CDYL2: variants seen among roughly 807,000 people sequenced by gnomAD.
CDYL2 encodes the protein chromodomain Y-like protein 2.
A neutral mutation model predicts 49.4 loss-of-function variants in CDYL2; 23 were observed. That is an observed-to-expected ratio of 0.47 (90% CI 0.34 to 0.66). CDYL2 has a LOEUF of 0.66. Among genes scored for constraint, CDYL2 ranks in the 30% least tolerant of loss-of-function variants. The probability of loss-of-function intolerance (pLI) is 0.01; values close to 1 mark genes in which losing one functional copy is unlikely to be tolerated. For missense variants in CDYL2, 678 were observed against 656.4 expected (o/e 1.03, Z -0.36); for synonymous variants, 360 against 268.8 (o/e 1.34, Z -3.32).
intron 2 of CDYL2, among the ~76,000 whole-genome samples, chr16:80,642,971 C>A (rs1451939808): frequency 6.6e-6 from 1 of 152,072 alleles, no homozygotes; most frequent in Admixed American, 6.6e-5. Flanking sequence ...CTGAACAGGC[C>A]CCCAAAGTTT....
intron 1 of CDYL2, among the ~76,000 whole-genome samples, chr16:80,741,734 G>A (rs1288161379): frequency 6.6e-6 from 1 of 152,122 alleles, no homozygotes; most frequent in Non-Finnish European, 1.5e-5. Context: ...TGAAAAAAAT[G>A]AATTGGCAAT....
In CDYL2 at chr16:80,800,951, G is replaced by A. The variant is rs543458217; in HGVS notation, c.24+3199C>T. Among the ~76,000 whole-genome samples the A allele has an allele frequency of 9.2e-5, 14 of 152,330 alleles. 1 individual carries two copies. In the East Asian group the frequency reaches 2.7e-3, roughly 29 times the overall value. ...AGTGAATGATTTAAGAAGAATGGGT[G>A]CCTGGTAATAGGGAGCAAGGGGACA... On this transcript the variant is annotated intron_variant, in intron 1 of 6. Coordinates refer to ENST00000570137, the MANE Select transcript of CDYL2 (RefSeq NM_152342.4).
chr16:80,752,727 G>C (rs888549780), intron 1 of CDYL2, among the ~76,000 whole-genome samples: 1 of 152,188 alleles, frequency 6.6e-6, no homozygotes, highest in Non-Finnish European at 1.5e-5. Context: ...TTAACAAAGC[G>C]GGAAAGCTCT....
intron 2 of CDYL2, among the ~76,000 whole-genome samples, chr16:80,680,979 A>G (rs1176224296): frequency 6.6e-6 from 1 of 152,160 alleles, no homozygotes; most frequent in Non-Finnish European, 1.5e-5. Context: ...CAGAATCAAG[A>G]GCAGTGTAGA....
intron 2 of CDYL2, among the ~76,000 whole-genome samples, chr16:80,647,120 A>C (rs1908384784): frequency 6.6e-6 from 1 of 152,218 alleles, no homozygotes; most frequent in Non-Finnish European, 1.5e-5. Context: ...AGCCACAAAT[A>C]AAATTAAATA....
At chr16:80,770,736 C>T (rs535652267) in intron 1 of CDYL2, among the ~76,000 whole-genome samples, 3 of 152,244 alleles carry the variant, frequency 2.0e-5, no homozygotes, top group African/African-American at 7.2e-5. Context: ...ACATACAATA[C>T]TTTTAAATCT....
At chr16:80,679,674 G>A (rs1909895821) in intron 2 of CDYL2, 1 of 455,848 alleles carries the variant, frequency 2.2e-6, no homozygotes, top group African/African-American at 2.0e-5. Flanking sequence ...TCTTTACAAA[G>A]TCTTATGAAT....
At chr16:80,726,190 A>G (rs537300638) in intron 1 of CDYL2, among the ~76,000 whole-genome samples, 1 of 152,350 alleles carries the variant, frequency 6.6e-6, no homozygotes, top group Admixed American at 6.5e-5. Context: ...ATTTTTGCGT[A>G]CATTTAAAAT....
intron 1 of CDYL2, among the ~76,000 whole-genome samples, chr16:80,687,657 C>T (rs1597174819): frequency 6.6e-6 from 1 of 152,186 alleles, no homozygotes; most frequent in Non-Finnish European, 1.5e-5. Flanking sequence ...TAATAGATGA[C>T]ACTTATCAAA....
At chr16:80,711,972 T>C (rs1904612726) in intron 1 of CDYL2, among the ~76,000 whole-genome samples, 1 of 150,850 alleles carries the variant, frequency 6.6e-6, no homozygotes. Flanking sequence ...TATATGTGTA[T>C]ACACATATAT....
intron 1 of CDYL2, among the ~76,000 whole-genome samples, chr16:80,764,645 T>G (rs1424013894): frequency 6.6e-6 from 1 of 152,132 alleles, no homozygotes; most frequent in African/African-American, 2.4e-5. Context: ...CATGAGATAC[T>G]AGCATCAATG....
At chr16:80,638,862 T>C (rs1454472326) in intron 2 of CDYL2, among the ~76,000 whole-genome samples, 1 of 152,128 alleles carries the variant, frequency 6.6e-6, no homozygotes, top group Admixed American at 6.5e-5. Flanking sequence ...AAATGTAAAA[T>C]GCAAATTATA....
At chr16:80,659,556 A>T (rs1387109023) in intron 2 of CDYL2, among the ~76,000 whole-genome samples, 1 of 151,736 alleles carries the variant, frequency 6.6e-6, no homozygotes. Flanking sequence ...CTACACTCAG[A>T]TGGTACAGAA....
At chr16:80,761,898 A>G (rs919793562) in intron 1 of CDYL2, among the ~76,000 whole-genome samples, 2 of 147,964 alleles carry the variant, frequency 1.4e-5, no homozygotes, top group South Asian at 4.2e-4. Context: ...AAAAAAAAAA[A>G]CAAAGACTGG....
chr16:80,690,490 G>T (rs1238277256), intron 1 of CDYL2, among the ~76,000 whole-genome samples: 1 of 152,204 alleles, frequency 6.6e-6, no homozygotes, highest in Non-Finnish European at 1.5e-5. Context: ...AGCAAGGTAA[G>T]TAATTTTATT....
At chr16:80,714,440 C>T (rs1407966115) in intron 1 of CDYL2, among the ~76,000 whole-genome samples, 1 of 152,054 alleles carries the variant, frequency 6.6e-6, no homozygotes, top group Non-Finnish European at 1.5e-5. Context: ...CACTGTGTAT[C>T]CCATAAATAT....
chr16:80,745,373 T>C (rs1905891357), intron 1 of CDYL2, among the ~76,000 whole-genome samples: 1 of 152,100 alleles, frequency 6.6e-6, no homozygotes, highest in African/African-American at 2.4e-5. Context: ...AACACATAAA[T>C]ACTCAAATAC....
intron 1 of CDYL2, among the ~76,000 whole-genome samples, chr16:80,724,550 A>G (rs1356083654): frequency 6.6e-6 from 1 of 152,174 alleles, no homozygotes; most frequent in Non-Finnish European, 1.5e-5. Flanking sequence ...CAAGCACATA[A>G]CACACACATG....
At chr16:80,705,681 A>G (rs548766715) in intron 1 of CDYL2, among the ~76,000 whole-genome samples, 1 of 152,386 alleles carries the variant, frequency 6.6e-6, no homozygotes, top group South Asian at 2.1e-4. Flanking sequence ...CAGATGGTAA[A>G]TATTTTAGGC....
Sources: gnomAD v4.1 joint callset for allele counts (sites outside exome capture counted in the v4.1 genomes callset) on GRCh38, gnomAD v4.1.1 for gene constraint, MANE v1.5 for transcripts, NCBI Gene and HGNC (gene_info 2026-07-23, HGNC 2026-07-21) for gene names.